Variants in PDE1A observed in about 807,000 individuals in gnomAD.
The protein encoded by PDE1A is phosphodiesterase 1A.
A neutral mutation model predicts 61.7 loss-of-function variants in PDE1A; 35 were observed. That is an observed-to-expected ratio of 0.57 (90% CI 0.43 to 0.75). The LOEUF (loss-of-function observed/expected upper bound fraction) is 0.75, where lower values mean the gene tolerates loss of function less well. Ranked by LOEUF, PDE1A falls within the 30% of genes least tolerant of loss-of-function variation. The pLI is 0.00. For missense variants in PDE1A, 597 were observed against 630.6 expected (o/e 0.95, Z 0.57); for synonymous variants, 232 against 213.2 (o/e 1.09, Z -0.77).
chr2:182,349,373 T>C (rs1299926586), intron 1 of PDE1A, among the ~76,000 whole-genome samples: 1 of 152,212 alleles, frequency 6.6e-6, no homozygotes, highest in Non-Finnish European at 1.5e-5. Context: ...GTAACATGGC[T>C]GTTGAGTTCT....
the PDE1A span, among the ~76,000 whole-genome samples, chr2:182,648,682 AGAGC>A: frequency 6.6e-6 from 1 of 150,612 alleles, no homozygotes; most frequent in Non-Finnish European, 1.5e-5. Flanking sequence ...CCTGGGTGGC[AGAGC>A]AAGACCCTGT....
intron 2 of PDE1A, among the ~76,000 whole-genome samples, chr2:182,508,854 C>T (rs1689595581): frequency 7.0e-6 from 1 of 143,852 alleles, no homozygotes; most frequent in Non-Finnish European, 1.5e-5. Context: ...TACATGTGCA[C>T]ATTGTGCAGG....
At chr2:182,191,603 T>C (rs186460826) in intron 10 of PDE1A, among the ~76,000 whole-genome samples, 2,347 of 144,542 alleles carry the variant, frequency 0.016, 35 homozygotes, top group Middle Eastern at 0.061. Context: ...CAGTCAGCTG[T>C]ATCTTTTGCA....
intron 1 of PDE1A, among the ~76,000 whole-genome samples, chr2:182,296,489 T>C (rs1431492130): frequency 6.6e-6 from 1 of 152,220 alleles, no homozygotes; most frequent in Non-Finnish European, 1.5e-5. Context: ...TAGACACAGA[T>C]ACAGATATAG....
the PDE1A span, among the ~76,000 whole-genome samples, chr2:182,616,312 G>A: frequency 6.6e-6 from 1 of 152,206 alleles, no homozygotes; most frequent in African/African-American, 2.4e-5. Flanking sequence ...CATTTTACCA[G>A]TGAGGTAGCT....
intron 1 of PDE1A, among the ~76,000 whole-genome samples, chr2:182,353,385 A>G (rs1285135853): frequency 1.3e-5 from 2 of 152,204 alleles, no homozygotes; most frequent in South Asian, 4.1e-4. Context: ...AATATTATAC[A>G]TGTTCTAACT....
intron 1 of PDE1A, among the ~76,000 whole-genome samples, chr2:182,285,260 G>C (rs1204178082): frequency 6.6e-6 from 1 of 152,110 alleles, no homozygotes; most frequent in Non-Finnish European, 1.5e-5. Context: ...ACTCTTCAGA[G>C]TGTTTTCTTT....
At chr2:182,250,617 C>T (rs901183367) in intron 2 of PDE1A, among the ~76,000 whole-genome samples, 3 of 152,004 alleles carry the variant, frequency 2.0e-5, no homozygotes, top group African/African-American at 7.2e-5. Context: ...TATTGTTAGC[C>T]TCTCCTCGAC....
chr2:182,426,821 A>T, exon 1 of PDE1A: 1 of 1,406,316 alleles, frequency 7.1e-7, no homozygotes, highest in Non-Finnish European at 9.2e-7. Flanking sequence ...CATAGAGGCC[A>T]CATAAGACAG....
At chr2:182,516,694 G>GAAGAAGGGAGGAAGGAAGGA (rs1553636643) in intron 2 of PDE1A, among the ~76,000 whole-genome samples, 2 of 50,984 alleles carry the variant, frequency 3.9e-5, no homozygotes, top group African/African-American at 1.5e-4. Flanking sequence ...GGAGGGAAGG[G>GAAGAAGGGAGGAAGGAAGGA]AGGAAGGGAG....
At chr2:182,665,165 G>C in the PDE1A span, among the ~76,000 whole-genome samples, 1 of 151,942 alleles carries the variant, frequency 6.6e-6, no homozygotes, top group Admixed American at 6.6e-5. Context: ...CAGTAAAAAA[G>C]ACTTCAGAAG....
At chr2:182,699,694 A>T in the PDE1A span, among the ~76,000 whole-genome samples, 82 of 152,354 alleles carry the variant, frequency 5.4e-4, no homozygotes, top group Admixed American at 3.4e-3. Flanking sequence ...AGCTGTAAAA[A>T]TATTTCTGTA....
intron 8 of PDE1A, 122 bp from the exon 9 acceptor site, chr2:182,201,911 C>T (rs1040511348): frequency 4.7e-6 from 3 of 638,292 alleles, no homozygotes; most frequent in Non-Finnish European, 5.5e-6. Context: ...ACAAAAGATG[C>T]TACTTTTTAA....
intron 2 of PDE1A, among the ~76,000 whole-genome samples, chr2:182,508,359 T>C (rs1323248203): frequency 6.6e-6 from 1 of 151,620 alleles, no homozygotes; most frequent in African/African-American, 2.4e-5. Context: ...CCACTTCTGT[T>C]CAACATAGTA....
intron 1 of PDE1A, among the ~76,000 whole-genome samples, chr2:182,316,936 C>A (rs1696375164): frequency 6.6e-6 from 1 of 152,128 alleles, no homozygotes; most frequent in Non-Finnish European, 1.5e-5. Context: ...TACTTACATC[C>A]TTTTGTAAGA....
the PDE1A span, among the ~76,000 whole-genome samples, chr2:182,565,919 A>G: frequency 6.6e-6 from 1 of 152,116 alleles, no homozygotes; most frequent in Middle Eastern, 3.2e-3. Context: ...CTACCCTGAT[A>G]AGCTTTCATT....
At chr2:182,165,841 T>G (rs1376510697), downstream of PDE1A, among the ~76,000 whole-genome samples, 1 of 152,238 alleles carries the variant, frequency 6.6e-6, no homozygotes, top group African/African-American at 2.4e-5. Context: ...TAAGCAAGTA[T>G]CTTTGTTTTC....
intron 7 of PDE1A, among the ~76,000 whole-genome samples, chr2:182,206,268 G>A (rs553323735): frequency 2.6e-5 from 4 of 152,138 alleles, no homozygotes; most frequent in South Asian, 2.1e-4. Context: ...GAAGTTTTAG[G>A]CTCACAGCAA....
At chr2:182,281,386 T>G (rs1406205762) in intron 1 of PDE1A, among the ~76,000 whole-genome samples, 1 of 151,968 alleles carries the variant, frequency 6.6e-6, no homozygotes, top group African/African-American at 2.4e-5. Flanking sequence ...TCAAAGAAAC[T>G]GCTTAAAACA....
Sources: gnomAD v4.1 joint callset for allele counts (sites outside exome capture counted in the v4.1 genomes callset) on GRCh38, gnomAD v4.1.1 for gene constraint, MANE v1.5 for transcripts, NCBI Gene and HGNC (gene_info 2026-07-23, HGNC 2026-07-21) for gene names.